Variants in SYNJ2 observed in about 807,000 individuals in gnomAD.
The protein encoded by SYNJ2 is synaptojanin 2, also known as polyphosphatidylinositol phosphatase SYNJ2.
Under a neutral mutation model 141.3 loss-of-function variants are expected in SYNJ2, and 116 were observed. The observed-to-expected ratio is 0.82, with a 90% CI of 0.71 to 0.96. The LOEUF (loss-of-function observed/expected upper bound fraction) is 0.96, where lower values mean the gene tolerates loss of function less well. Ranked by LOEUF, SYNJ2 falls within the 40% of genes least tolerant of loss-of-function variation. SYNJ2 has a pLI of 0.00. For missense variants in SYNJ2, 1,873 were observed against 1,934.8 expected, an observed-to-expected ratio of 0.97 and a Z score of 0.60; for synonymous variants, 745 against 777.7, an observed-to-expected ratio of 0.96 and a Z score of 0.70.
chr6:158,083,396 A>G lies in SYNJ2; in HGVS notation c.2866-33A>G, dbSNP rs757126463. 1.9e-6 allele frequency: 3 copies of G among 1,604,976 alleles called. No homozygotes were observed. In the East Asian group the frequency reaches 6.7e-5, roughly 36 times the overall value. Reference sequence around the variant, plus strand: ...ATCAACAGGAGGGGTCATGATTTTTATTTATTCCTGGGTGGCCGCTCTGCC... The same window carrying G: ...ATCAACAGGAGGGGTCATGATTTTTGTTTATTCCTGGGTGGCCGCTCTGCC... On this transcript the variant is annotated intron_variant, in intron 20 of 26. Transcript: ENST00000355585.
In SYNJ2 at chr6:158,070,764, T is replaced by G. The variant is rs1255691139; in HGVS notation, c.1941-838T>G. ...TAACAAATGTGCTTGCAGCCCATGT[T>G]TCTATGGACTCGTATGCGTCATAAG... On this transcript the variant is annotated intron_variant, in intron 14 of 26. Transcript: ENST00000355585. The surrounding 1 kb of genome is among the most constrained non-coding windows in gnomAD (Gnocchi z 4.0). Among the ~76,000 whole-genome samples, 2 of 152,224 alleles carry G rather than the reference T, an allele frequency of 1.3e-5. No individual in the cohort carries two copies. The highest frequency in any genetic ancestry group is 4.8e-5 in the African/African-American group (2 of 41,462).
At chr6:158,068,940 G>T (rs908737969) in intron 13 of SYNJ2, among the ~76,000 whole-genome samples, 4 of 152,206 alleles carry the variant, frequency 2.6e-5, no homozygotes, top group African/African-American at 9.7e-5. Flanking sequence ...GTAAAAGGAA[G>T]GGCTGATGAT....
At chr6:158,051,041 G>T (rs1379239522) in intron 5 of SYNJ2, among the ~76,000 whole-genome samples, 1 of 152,126 alleles carries the variant, frequency 6.6e-6, no homozygotes, top group Non-Finnish European at 1.5e-5. Flanking sequence ...ATTGGAGCCT[G>T]CTAGGTCCAG....
At chr6:158,053,417 A>G (rs771285552) in intron 5 of SYNJ2, among the ~76,000 whole-genome samples, 2 of 152,166 alleles carry the variant, frequency 1.3e-5, no homozygotes, top group African/African-American at 4.8e-5. Context: ...TTACTATGAC[A>G]GTTGTAAAAT....
At position 158,075,596 on chromosome 6, in the gene SYNJ2, G is replaced by A. The variant is rs368920089; in HGVS notation, c.2292+858G>A. ...GCGGAAGTTGCAGTGAGCCGAGATC[G>A]CACCACTGCACTCCAGCTTGGGCAA... is the stretch of plus-strand genomic sequence containing the variant. On this transcript the variant is annotated intron_variant, in intron 16 of 26. Transcript: ENST00000355585. 1.3e-4 allele frequency among the ~76,000 whole-genome samples: 19 copies of A among 151,462 alleles called. No homozygotes were observed. The East Asian group carries it at 2.7e-3, about 22-fold the overall frequency.
At position 158,083,476 on chromosome 6, in the gene SYNJ2, G is replaced by C. The variant is rs748293946; in HGVS notation, c.2913G>C (p.Leu971=). The change falls in exon 21 of 27, where the codon CTG becomes CTC. Residue 971 remains leucine, a synonymous_variant. Transcript: ENST00000355585. ...VKIRPKTKDW[L]KGLREEIIRK... ...TTAGACCGAAGACCAAGGACTGGCTGAAAGGTTTGCGAGAGGAGATCATTC... is the reference window on the plus strand; with the variant it reads ...TTAGACCGAAGACCAAGGACTGGCTCAAAGGTTTGCGAGAGGAGATCATTC... 9.3e-6 allele frequency: 15 copies of C among 1,614,074 alleles called. No individual in the cohort carries two copies. In the Middle Eastern group the frequency reaches 8.2e-4, roughly 88 times the overall value.
At chr6:158,016,710 G>A (rs1778473156) in intron 1 of SYNJ2, among the ~76,000 whole-genome samples, 1 of 152,034 alleles carries the variant, frequency 6.6e-6, no homozygotes, top group Non-Finnish European at 1.5e-5. Context: ...CCAAAGACCC[G>A]GCAGGCAAGG....
At chr6:158,065,204 CTG>C (rs1262408561) in intron 11 of SYNJ2, among the ~76,000 whole-genome samples, 2 of 152,218 alleles carry the variant, frequency 1.3e-5, no homozygotes, top group Admixed American at 6.5e-5. Context: ...TCGGCTTGGA[CTG>C]TGTTTCCATC....
chr6:158,033,025 A>G (rs752899401), intron 3 of SYNJ2, among the ~76,000 whole-genome samples: 2 of 152,218 alleles, frequency 1.3e-5, no homozygotes, highest in African/African-American at 4.8e-5. Context: ...TTAATCACTT[A>G]TTGATCATGA....
intron 4 of SYNJ2, among the ~76,000 whole-genome samples, chr6:158,038,309 C>A (rs1395462990): frequency 6.6e-6 from 1 of 152,184 alleles, no homozygotes; most frequent in Non-Finnish European, 1.5e-5. Context: ...AACCTTACTC[C>A]CAGGAGCAGC....
intron 2 of SYNJ2, among the ~76,000 whole-genome samples, chr6:158,018,630 A>G (rs1683980083): frequency 6.6e-6 from 1 of 152,234 alleles, no homozygotes; most frequent in South Asian, 2.1e-4. Flanking sequence ...ATTTAGGAAA[A>G]ATACACAGTA....
intron 3 of SYNJ2, among the ~76,000 whole-genome samples, chr6:158,029,663 A>C (rs1373312540): frequency 1.3e-5 from 2 of 152,228 alleles, no homozygotes; most frequent in Non-Finnish European, 2.9e-5. Flanking sequence ...TGCCGAGCTC[A>C]GTGCTTCTGC....
chr6:158,030,283 C>A (rs1442077476), intron 3 of SYNJ2: 1 of 152,678 alleles, frequency 6.5e-6, no homozygotes, highest in African/African-American at 2.4e-5. Flanking sequence ...TTCCAATGAA[C>A]CTCATCTAAT....
intron 3 of SYNJ2, among the ~76,000 whole-genome samples, chr6:158,029,896 C>A (rs992459738): frequency 2.0e-5 from 3 of 152,144 alleles, no homozygotes; most frequent in African/African-American, 7.2e-5. Flanking sequence ...GGAATTTTGC[C>A]AAACTCCACA....
chr6:157,991,492 C>G (rs1777422640), intron 1 of SYNJ2, among the ~76,000 whole-genome samples: 1 of 152,198 alleles, frequency 6.6e-6, no homozygotes, highest in African/African-American at 2.4e-5. Flanking sequence ...CTAGCCCTGG[C>G]TCCTTAGGCT....
In SYNJ2 at chr6:158,017,319, C is replaced by T. The variant is rs570820007; in HGVS notation, c.214+29C>T. On this transcript the variant is annotated intron_variant, in intron 2 of 26. Transcript: ENST00000355585. ...AGTAGCCGCTCGCTGGAGGAGCAGG[C>T]GCCAGGCTCCCCGGTGGGCAGGAGC... The T allele has an allele frequency of 5.1e-5, 82 of 1,593,742 alleles. 1 individual carries two copies. The South Asian group carries it at 8.3e-4, about 16-fold the overall frequency.
intron 1 of SYNJ2, among the ~76,000 whole-genome samples, chr6:157,998,641 C>T (rs1006503010): frequency 6.6e-6 from 1 of 152,064 alleles, no homozygotes; most frequent in Non-Finnish European, 1.5e-5. Context: ...TGTAAAAAAA[C>T]AACTTTCAAA....
At position 158,043,119 on chromosome 6, in the gene SYNJ2, C is replaced by A. The variant is rs967624440; in HGVS notation, c.712-197C>A. On this transcript the variant is annotated intron_variant, in intron 4 of 26. Transcript: ENST00000355585. This position sits in a 1 kb window ranked among gnomAD's most constrained non-coding sequence, Gnocchi z 4.0. ...GACCCCCTCCTCAGAGGCTGGTCGA[C>A]AGCCAGCATGCCCGCCCAGTACCTG... is the stretch of plus-strand genomic sequence containing the variant. 6.6e-6 allele frequency among the ~76,000 whole-genome samples: 1 copy of A among 152,170 alleles called. No individual in the cohort carries two copies. The highest frequency in any genetic ancestry group is 2.4e-5 in the African/African-American group (1 of 41,442).
At chr6:158,068,113 A>C in intron 12 of SYNJ2, 1 of 346,130 alleles carries the variant, frequency 2.9e-6, no homozygotes, top group Non-Finnish European at 4.0e-6. Context: ...CAAGCAGATC[A>C]GACAGAGGGA....
Sources: gnomAD v4.1 joint callset for allele counts (sites outside exome capture counted in the v4.1 genomes callset) on GRCh38, gnomAD v4.1.1 for gene constraint, Gnocchi (gnomAD v3.1) non-coding constraint, MANE v1.5 for transcripts, NCBI Gene and HGNC (gene_info 2026-07-23, HGNC 2026-07-21) for gene names.